Variants in EZH2 observed in about 807,000 individuals in gnomAD.
EZH2 encodes the protein histone-lysine N-methyltransferase EZH2.
A neutral mutation model predicts 98.4 loss-of-function variants in EZH2; 18 were observed. The observed-to-expected ratio is 0.18, with a 90% confidence interval of 0.13 to 0.27. The LOEUF (loss-of-function observed/expected upper bound fraction) is 0.27. Ranked by LOEUF, EZH2 falls within the 10% of genes least tolerant of loss-of-function variation. The pLI, the probability that EZH2 is intolerant of heterozygous loss-of-function variation, is 1.00. For synonymous variants in EZH2, 338 were observed against 312.3 expected (o/e 1.08, Z -0.87); for missense variants, 470 against 935.1 (o/e 0.50, Z 6.49).
chr7:148,818,097 A>G lies in EZH2; in HGVS notation c.1020T>C (p.Ala340=). The change falls in exon 10 of 20, where the codon GCT becomes GCC. Residue 340 remains alanine, a synonymous_variant. Coordinates refer to ENST00000320356, the MANE Select transcript of EZH2 (RefSeq NM_004456.5). The part of the protein sequence containing the change: ...YQHLEGAKEF[A]AALTAERIKT... Reference sequence around the variant, plus strand: ...TTATCCGCTCAGCGGTGAGAGCAGCAGCAAACTCCTTTGCTCCCTCCTACG... The same window carrying G: ...TTATCCGCTCAGCGGTGAGAGCAGCGGCAAACTCCTTTGCTCCCTCCTACG... 1.3e-6 allele frequency: 2 copies of G among 1,595,938 alleles called. No individual in the cohort carries two copies. Among genetic ancestry groups the G allele is most frequent in the Non-Finnish European group, 1.7e-6 (2 of 1,171,740 alleles).
rs985417103 is a variant in EZH2, at chr7:148,847,434, A to G, written c.-7-129T>C. The stretch of plus-strand genomic sequence containing the variant: ...CATATTACACTGTTGGCATTTACAG[A>G]AAGGTGCTCATTTGTGCTGCATGGT... On this transcript the variant is annotated intron_variant, in intron 1 of 19. Coordinates refer to ENST00000320356, the MANE Select transcript of EZH2 (RefSeq NM_004456.5). The G allele has an allele frequency of 1.2e-5, 14 of 1,148,772 alleles. No homozygotes were observed. The Admixed American group carries it at 3.0e-4, about 25-fold the overall frequency. The allele number at this position is 1,148,772 out of a possible 1,614,324, so 71.2% of individuals were successfully genotyped here.
rs756130463 is a variant in EZH2, at chr7:148,810,412, A to G, written c.1950T>C (p.Ile650=). ...NEFISEYCGE[I]ISQDEADRRG... The stretch of plus-strand genomic sequence containing the variant: ...TTCTGTCAGCTTCATCTTGAGAAAT[A>G]ATCTAAAAAGAAAGACACAGGAGAA... Residue 650 remains isoleucine, a splice_region_variant and synonymous_variant, in exon 17 of 20, where the codon ATT becomes ATC. Transcript: ENST00000320356. 8 of 1,606,832 alleles carry G rather than the reference A, an allele frequency of 5.0e-6. No homozygotes were observed. The African/African-American group carries it at 9.4e-5, about 19-fold the overall frequency.
At chr7:148,832,522 T>G (rs1180371858) in intron 4 of EZH2, 112 bp downstream of exon 4, 1 of 642,378 alleles carries the variant, frequency 1.6e-6, no homozygotes. Context: ...GTTATTTTGA[T>G]AGCTTTTTAG....
intron 1 of EZH2, among the ~76,000 whole-genome samples, chr7:148,868,475 C>T (rs1238944046): frequency 6.6e-6 from 1 of 152,194 alleles, no homozygotes; most frequent in Non-Finnish European, 1.5e-5. Flanking sequence ...GTCACGAGAA[C>T]TCACTGTCAG....
chr7:148,880,431 T>C (rs937284583), intron 1 of EZH2, among the ~76,000 whole-genome samples: 3 of 152,196 alleles, frequency 2.0e-5, no homozygotes, highest in African/African-American at 7.2e-5. Flanking sequence ...TCTCGCCCTT[T>C]CCCTTCCTTA....
At chr7:148,852,166 G>C (rs1815956496) in intron 1 of EZH2, among the ~76,000 whole-genome samples, 1 of 152,134 alleles carries the variant, frequency 6.6e-6, no homozygotes, top group South Asian at 2.1e-4. Context: ...ACCAGAATAT[G>C]GCAGGAGCCC....
chr7:148,825,090 A>G (rs567575790), intron 8 of EZH2, among the ~76,000 whole-genome samples: 1 of 152,354 alleles, frequency 6.6e-6, no homozygotes, highest in African/African-American at 2.4e-5. Flanking sequence ...CTACATCTAT[A>G]AACAACAAAT....
chr7:148,877,488 C>T (rs1820335315), intron 1 of EZH2, among the ~76,000 whole-genome samples: 1 of 152,132 alleles, frequency 6.6e-6, no homozygotes, highest in South Asian at 2.1e-4. Context: ...TTGCCAGGTA[C>T]AGTTCTAAGG....
At chr7:148,817,730 C>A (rs1804946841) in intron 10 of EZH2, 147 bp downstream of exon 10, 2 of 1,172,170 alleles carry the variant, frequency 1.7e-6, no homozygotes, top group Non-Finnish European at 2.4e-6. Flanking sequence ...GAAACAGAAA[C>A]AACACAGCTA....
chr7:148,823,210 C>A (rs907029126), intron 8 of EZH2, among the ~76,000 whole-genome samples: 1 of 152,110 alleles, frequency 6.6e-6, no homozygotes, highest in Non-Finnish European at 1.5e-5. Context: ...GTGCTGCATC[C>A]CCATATGGCA....
intron 1 of EZH2, among the ~76,000 whole-genome samples, chr7:148,866,354 C>T (rs962729608): frequency 1.3e-5 from 2 of 151,618 alleles, no homozygotes; most frequent in Admixed American, 1.3e-4. Flanking sequence ...TGTGAATGCC[C>T]TTATACAAGA....
chr7:148,819,480 A>G, intron 9 of EZH2, 116 bp downstream of exon 9: 2 of 753,572 alleles, frequency 2.7e-6, no homozygotes, highest in Non-Finnish European at 4.5e-6. Flanking sequence ...AGCTCTGTCT[A>G]TCATATGGCC....
intron 3 of EZH2, among the ~76,000 whole-genome samples, chr7:148,834,352 T>TATATATATATAC (rs1321608007): frequency 3.5e-5 from 5 of 143,320 alleles, no homozygotes; most frequent in African/African-American, 1.3e-4. Flanking sequence ...TATATATATA[T>TATATATATATAC]ACACACACAC....
chr7:148,826,589 G>A lies in EZH2; in HGVS notation c.772C>T (p.Pro258Ser), dbSNP rs1220875602. ...CCATCTATGTTGGGGGTACATTCAGGAGGAAGTGCGCCTGGGAGCTGCTGT... is the reference window on the plus strand; with the variant it reads ...CCATCTATGTTGGGGGTACATTCAGAAGGAAGTGCGCCTGGGAGCTGCTGT... ...TEQQLPGALP[P>S]ECTPNIDGPN... The change falls in exon 8 of 20, where the codon CCT becomes TCT. Residue 258 changes from proline (P) to serine (S), a missense_variant. Pro to Ser is a moderately conservative substitution (Grantham distance 74, BLOSUM62 -1). Around this residue, in one of 6 missense-constraint regions of EZH2, gnomAD observed 192 missense variants for 306.8 expected, o/e 0.63. Transcript: ENST00000320356. 3 of 1,567,442 alleles carry A rather than the reference G, an allele frequency of 1.9e-6. No homozygotes were observed. In the Admixed American group the frequency reaches 5.3e-5, roughly 28 times the overall value.
At chr7:148,858,531 A>G (rs116098676) in intron 1 of EZH2, among the ~76,000 whole-genome samples, 1,846 of 151,852 alleles carry the variant, frequency 0.012, 37 homozygotes, top group African/African-American at 0.042. Flanking sequence ...TACTTTTTCA[A>G]TTTTTTTGGA....
At position 148,814,100 on chromosome 7, in the gene EZH2, C is replaced by T. The variant is rs1407980332; in HGVS notation, c.1710G>A (p.Gln570=). The T allele has an allele frequency of 1.2e-6, 2 of 1,614,092 alleles. No homozygotes were observed. Among genetic ancestry groups the T allele is most frequent in the Non-Finnish European group, 1.7e-6 (2 of 1,180,018 alleles). ...AGCACGGGCACTGCTTGGTGTTGCA[C>T]TGTGCTTTGCAGCGGCATCCCGGAA... ...NRFPGCRCKA[Q]CNTKQCPCYL... is the part of the protein sequence containing the mutation. Residue 570 remains glutamine (Q), a synonymous_variant, in exon 15 of 20, where the codon CAG becomes CAA. Transcript: ENST00000320356.
chr7:148,823,548 C>CAATAAAAGTGGTTAACTACT (rs560807740), intron 8 of EZH2, among the ~76,000 whole-genome samples: 65 of 151,868 alleles, frequency 4.3e-4, no homozygotes, highest in Middle Eastern at 3.4e-3. Context: ...ATACGAGAAC[C>CAATAAAAGTGGTTAACTACT]AATAAAAGTG....
chr7:148,827,640 A>T (rs911063838), intron 6 of EZH2, among the ~76,000 whole-genome samples: 2 of 152,050 alleles, frequency 1.3e-5, no homozygotes, highest in African/African-American at 2.4e-5. Flanking sequence ...CCTTTTTGTT[A>T]TTTTCTCTTT....
intron 19 of EZH2, 37 bp downstream of exon 19, chr7:148,809,034 G>C (rs1203440349): frequency 1.3e-6 from 2 of 1,538,314 alleles, no homozygotes; most frequent in Non-Finnish European, 1.8e-6. Context: ...AGTAGAAAAA[G>C]CCCTTAGAGA....
Sources: allele counts gnomAD v4.1 joint callset (sites outside exome capture counted in the v4.1 genomes callset), GRCh38; gene constraint gnomAD v4.1.1; regional missense constraint gnomAD v4.1.1; transcripts MANE v1.5; gene names NCBI Gene and HGNC (gene_info 2026-07-23, HGNC 2026-07-21).